Variants in TPCN1 observed in about 807,000 individuals in gnomAD.
TPCN1 encodes two pore segment channel 1, also known as two pore channel protein 1.
Under a neutral mutation model 108.8 loss-of-function variants are expected in TPCN1, and 52 were observed. The ratio of observed to expected loss-of-function variants is 0.48; its 90% CI spans 0.38 to 0.60. The LOEUF is 0.60. Among genes scored for constraint, TPCN1 ranks in the 20% least tolerant of loss-of-function variants. The probability of loss-of-function intolerance (pLI) is 0.00; values close to 1 mark genes in which losing one functional copy is unlikely to be tolerated. For synonymous variants in TPCN1, 446 were observed against 433.7 expected (o/e 1.03, Z -0.35); for missense variants, 806 against 1,072.8 (o/e 0.75, Z 3.47).
chr12:113,223,991 A>G (rs1209431352), intron 1 of TPCN1, among the ~76,000 whole-genome samples: 1 of 152,252 alleles, frequency 6.6e-6, no homozygotes, highest in African/African-American at 2.4e-5. Context: ...TATAAAAATC[A>G]TACATTTTGG....
intron 10 of TPCN1, among the ~76,000 whole-genome samples, chr12:113,276,576 A>G (rs1269110591): frequency 2.0e-5 from 3 of 150,938 alleles, no homozygotes; most frequent in Admixed American, 6.6e-5. Context: ...CCCTCTTGCT[A>G]CTCTCTCCTC....
chr12:113,264,210 G>A (rs1029288144), intron 3 of TPCN1, among the ~76,000 whole-genome samples: 1 of 152,186 alleles, frequency 6.6e-6, no homozygotes, highest in Non-Finnish European at 1.5e-5. Flanking sequence ...CTTACCTTCT[G>A]TTGACTGCCA....
chr12:113,230,376 C>T (rs1280775094), intron 2 of TPCN1, among the ~76,000 whole-genome samples: 1 of 150,378 alleles, frequency 6.6e-6, no homozygotes, highest in African/African-American at 2.5e-5. Context: ...GCAACCTCCA[C>T]CTCCCAGGTT....
chr12:113,230,914 C>T lies in TPCN1; in HGVS notation c.112+3950C>T, dbSNP rs565908621. Among the ~76,000 whole-genome samples, 11 of 152,360 alleles carry T rather than the reference C, an allele frequency of 7.2e-5. No individual in the cohort carries two copies. The East Asian group carries it at 7.7e-4, about 11-fold the overall frequency. On this transcript the variant is annotated intron_variant, in intron 2 of 27. Coordinates refer to ENST00000335509, the MANE Select transcript of TPCN1 (RefSeq NM_017901.6). ...TAGAGGTGGGCAGCCTCCCTCCTGC[C>T]GCCTCTCCTCACCATTGCTTTGAGT...
chr12:113,292,900 G>A lies in TPCN1; in HGVS notation c.2114-34G>A, dbSNP rs200399530. ...CAGCCAGGTTGGCAGCTGCAGCCCC[G>A]GGCCCTTCCCACACCTGCCTTCCAT... is the stretch of plus-strand genomic sequence containing the variant. On this transcript the variant is annotated intron_variant, in intron 25 of 27. Coordinates refer to ENST00000335509, the MANE Select transcript of TPCN1 (RefSeq NM_017901.6). 1.5e-4 allele frequency: 245 copies of A among 1,600,394 alleles called. No homozygotes were observed. In the African/African-American group the frequency reaches 2.6e-3, roughly 17 times the overall value.
chr12:113,273,470 C>G lies in TPCN1; in HGVS notation c.843-99C>G. ...AGAGTAGGGGAACCAGGGTTGGAGG[C>G]TGGGAAGGCAGACAAGGAGCTGTCC... On this transcript the variant is annotated intron_variant, in intron 9 of 27. Transcript: ENST00000335509. The surrounding 1 kb of genome is among the most constrained non-coding windows in gnomAD (Gnocchi z 4.0). The G allele has an allele frequency of 7.8e-7, 1 of 1,288,956 alleles. No individual in the cohort carries two copies. The allele number at this position is 1,288,956 out of a possible 1,614,324, so 79.8% of individuals were successfully genotyped here.
At chr12:113,279,317 A>ATATG (rs1444695896) in intron 14 of TPCN1, among the ~76,000 whole-genome samples, 2 of 111,400 alleles carry the variant, frequency 1.8e-5, no homozygotes, top group Admixed American at 1.1e-4. Context: ...GTATATATAT[A>ATATG]TGTGTGTGTG....
chr12:113,229,536 T>C (rs1057131694), intron 2 of TPCN1, among the ~76,000 whole-genome samples: 1 of 152,230 alleles, frequency 6.6e-6, no homozygotes, highest in Non-Finnish European at 1.5e-5. Context: ...CTACCCAGGC[T>C]AGAGTGCAGT....
intron 18 of TPCN1, among the ~76,000 whole-genome samples, chr12:113,286,512 C>T (rs954967496): frequency 5.4e-5 from 7 of 128,924 alleles, no homozygotes; most frequent in African/African-American, 1.7e-4. Flanking sequence ...GAGAGAGGGT[C>T]CTCTGGCTTG....
At chr12:113,256,123 A>T (rs2136552508) in intron 2 of TPCN1, among the ~76,000 whole-genome samples, 1 of 152,158 alleles carries the variant, frequency 6.6e-6, no homozygotes. Flanking sequence ...GTGCTTGCCT[A>T]ATTTTTTTAC....
chr12:113,282,972 G>C (rs1365404362), intron 15 of TPCN1, among the ~76,000 whole-genome samples: 1 of 152,108 alleles, frequency 6.6e-6, no homozygotes, highest in Non-Finnish European at 1.5e-5. Context: ...AGCTACTTGG[G>C]AGGCTGAGGC....
intron 27 of TPCN1, 45 bp downstream of exon 27, chr12:113,293,394 G>A (rs774536806): frequency 1.2e-5 from 19 of 1,570,156 alleles, no homozygotes; most frequent in Non-Finnish European, 1.5e-5. Context: ...CCCAAGCTAT[G>A]TCCTGGGAGG....
At position 113,296,116 on chromosome 12, in the gene TPCN1, A is replaced by G. The variant is rs964133004; in HGVS notation, c.*40A>G. 1.9e-6 allele frequency: 3 copies of G among 1,605,350 alleles called. No individual in the cohort carries two copies. Among genetic ancestry groups the G allele is most frequent in the South Asian group, 2.2e-5 (2 of 90,702 alleles). On this transcript the variant is annotated 3_prime_UTR_variant, in exon 28 of 28. Coordinates refer to ENST00000335509, the MANE Select transcript of TPCN1 (RefSeq NM_017901.6). ...GCCGTCTCTTCTATGCAATAACACAATAGTATTACTCTACTGCGATGTACG... is the reference window on the plus strand; with the variant it reads ...GCCGTCTCTTCTATGCAATAACACAGTAGTATTACTCTACTGCGATGTACG...
rs772732651 is a variant in TPCN1 at position 113,272,674 on chromosome 12, C to G, written c.765C>G (p.Ser255=). 4 of 1,613,864 alleles carry G rather than the reference C, an allele frequency of 2.5e-6. No individual in the cohort carries two copies. The highest frequency in any genetic ancestry group is 3.4e-6 in the Non-Finnish European group (4 of 1,179,848). Residue 255 remains serine (S), a synonymous_variant, in exon 8 of 28, where the codon TCC becomes TCG. Transcript: ENST00000335509. This position sits in a 1 kb window ranked among gnomAD's most constrained non-coding sequence, Gnocchi z 4.1. ...IFAILGFYLF[S]PNPSDPYFST... ...CACTTCTAGGTTTCTACTTGTTCTC[C>G]CCTAACCCTTCAGACCCCGTAAGTA...
chr12:113,254,811 G>A (rs1452141376), intron 2 of TPCN1, among the ~76,000 whole-genome samples: 1 of 152,122 alleles, frequency 6.6e-6, no homozygotes, highest in East Asian at 1.9e-4. Context: ...AAATCATCTC[G>A]AAGTAGACAC....
At chr12:113,271,219 G>A (rs939720337) in intron 7 of TPCN1, among the ~76,000 whole-genome samples, 4 of 152,194 alleles carry the variant, frequency 2.6e-5, no homozygotes, top group Admixed American at 2.6e-4. Flanking sequence ...AGAGGTTGCA[G>A]TGAGCTGTGA....
chr12:113,279,018 T>C (rs911243437), intron 14 of TPCN1, among the ~76,000 whole-genome samples, 183 bp downstream of exon 14: 1 of 151,752 alleles, frequency 6.6e-6, no homozygotes, highest in Non-Finnish European at 1.5e-5. Context: ...AGGAAGCAGA[T>C]TGGGAGAGAA....
At chr12:113,235,944 A>G (rs1173804201) in intron 2 of TPCN1, among the ~76,000 whole-genome samples, 2 of 152,190 alleles carry the variant, frequency 1.3e-5, no homozygotes, top group African/African-American at 4.8e-5. Flanking sequence ...GAGGAAAGGT[A>G]TACATGTGCT....
chr12:113,286,303 A>G (rs1252873929), intron 18 of TPCN1, among the ~76,000 whole-genome samples: 1 of 151,656 alleles, frequency 6.6e-6, no homozygotes, highest in Non-Finnish European at 1.5e-5. Context: ...TTCCTTGATC[A>G]GCAGTAATGA....
Sources: allele counts gnomAD v4.1 joint callset (sites outside exome capture counted in the v4.1 genomes callset), GRCh38; gene constraint gnomAD v4.1.1; non-coding constraint Gnocchi (gnomAD v3.1); transcripts MANE v1.5; gene names NCBI Gene and HGNC (gene_info 2026-07-23, HGNC 2026-07-21).